Variants in PALM2AKAP2 observed in about 807,000 individuals in gnomAD.
The protein encoded by PALM2AKAP2 is PALM2 and AKAP2 fusion.
Under a neutral mutation model 71.5 loss-of-function variants are expected in PALM2AKAP2, and 37 were observed. That is an observed-to-expected ratio of 0.52 (90% CI 0.40 to 0.68). The LOEUF is 0.68. Among genes scored for constraint, PALM2AKAP2 ranks in the 30% least tolerant of loss-of-function variants. The pLI, the probability that PALM2AKAP2 is intolerant of heterozygous loss-of-function variation, is 0.00. For missense variants in PALM2AKAP2, 1,224 were observed against 1,191.8 expected (o/e 1.03, Z -0.40); for synonymous variants, 468 against 478.8 (o/e 0.98, Z 0.29).
intron 1 of PALM2AKAP2, among the ~76,000 whole-genome samples, chr9:109,836,606 A>T (rs1469770043): frequency 6.6e-6 from 1 of 152,228 alleles, no homozygotes. Context: ...GTTCAAACCC[A>T]TCGCAAAGAA....
chr9:109,874,444 A>G (rs1375016621), intron 2 of PALM2AKAP2, among the ~76,000 whole-genome samples: 1 of 152,220 alleles, frequency 6.6e-6, no homozygotes, highest in Admixed American at 6.5e-5. Flanking sequence ...TAAGTCAGTT[A>G]ATGTTAGCAC....
At chr9:110,074,035 G>A (rs1441854914) in intron 1 of PALM2AKAP2, among the ~76,000 whole-genome samples, 1 of 152,158 alleles carries the variant, frequency 6.6e-6, no homozygotes, top group East Asian at 1.9e-4. Context: ...TGGACAAATT[G>A]GCAGTGTGCA....
intron 1 of PALM2AKAP2, among the ~76,000 whole-genome samples, chr9:109,835,906 C>A (rs992324560): frequency 6.6e-6 from 1 of 152,180 alleles, no homozygotes; most frequent in Admixed American, 6.5e-5. Flanking sequence ...TGGAGCCCAC[C>A]GCAGCTCAAG....
intron 3 of PALM2AKAP2, among the ~76,000 whole-genome samples, chr9:110,160,396 A>T (rs1458155456): frequency 6.6e-6 from 1 of 152,232 alleles, no homozygotes; most frequent in African/African-American, 2.4e-5. Context: ...TGCAATTCAT[A>T]ATGGACTAGT....
intron 6 of PALM2AKAP2, among the ~76,000 whole-genome samples, chr9:110,007,374 C>T (rs905013917): frequency 6.6e-6 from 1 of 152,220 alleles, no homozygotes; most frequent in Admixed American, 6.5e-5. Flanking sequence ...ACTGTTCCCA[C>T]AGTTGGTCTC....
chr9:110,151,093 A>G (rs749280406), intron 2 of PALM2AKAP2, among the ~76,000 whole-genome samples: 1 of 152,278 alleles, frequency 6.6e-6, no homozygotes, highest in African/African-American at 2.4e-5. Flanking sequence ...AACTTGGGCC[A>G]GAAAAGTTCC....
At chr9:109,758,656 T>A (rs1042388606) in intron 1 of PALM2AKAP2, among the ~76,000 whole-genome samples, 8 of 151,806 alleles carry the variant, frequency 5.3e-5, no homozygotes, top group African/African-American at 1.7e-4. Flanking sequence ...TGCAAAGAAG[T>A]GGTAGTTTAT....
chr9:110,000,646 C>T (rs1051450690), intron 6 of PALM2AKAP2, among the ~76,000 whole-genome samples: 8 of 152,188 alleles, frequency 5.3e-5, no homozygotes, highest in African/African-American at 1.9e-4. Flanking sequence ...AAAAGTATTC[C>T]TATTTCTCTA....
At chr9:109,941,502 T>C (rs1453876089) in intron 6 of PALM2AKAP2, among the ~76,000 whole-genome samples, 1 of 152,204 alleles carries the variant, frequency 6.6e-6, no homozygotes, top group African/African-American at 2.4e-5. Context: ...CTTGAGAGAC[T>C]AGGTAGCAGT....
At chr9:110,048,985 G>A in intron 1 of PALM2AKAP2, 1 of 1,245,820 alleles carries the variant, frequency 8.0e-7, no homozygotes, top group Non-Finnish European at 1.1e-6. Flanking sequence ...GGCTTTTAAA[G>A]GGCTTTTTGT....
intron 1 of PALM2AKAP2, among the ~76,000 whole-genome samples, chr9:110,112,897 G>A (rs907693752): frequency 5.3e-5 from 8 of 152,188 alleles, no homozygotes; most frequent in Non-Finnish European, 1.2e-4. Context: ...CATAAAAATC[G>A]CATGGTCTAA....
chr9:109,833,647 G>A (rs1322787489), intron 1 of PALM2AKAP2, among the ~76,000 whole-genome samples: 2 of 152,148 alleles, frequency 1.3e-5, no homozygotes, highest in Non-Finnish European at 2.9e-5. Flanking sequence ...CAACATGGTG[G>A]GACAATTCTT....
intron 6 of PALM2AKAP2, among the ~76,000 whole-genome samples, chr9:109,981,355 T>C (rs1832266052): frequency 6.6e-6 from 1 of 152,208 alleles, no homozygotes; most frequent in African/African-American, 2.4e-5. Context: ...ATGGATGTTA[T>C]TAGCACACCT....
intron 1 of PALM2AKAP2, among the ~76,000 whole-genome samples, chr9:109,723,995 A>G (rs956081502): frequency 1.3e-5 from 2 of 152,242 alleles, no homozygotes; most frequent in East Asian, 1.9e-4. Flanking sequence ...TAGTCAGCTC[A>G]ATGGCTAGGT....
chr9:109,762,445 T>C (rs1338348136), intron 1 of PALM2AKAP2, among the ~76,000 whole-genome samples: 1 of 152,222 alleles, frequency 6.6e-6, no homozygotes, highest in Non-Finnish European at 1.5e-5. Context: ...AAGAAAAGTC[T>C]TTATTAATCT....
At chr9:109,867,162 C>CTGTGTGTGTGTG (rs747500773) in intron 1 of PALM2AKAP2, 2 of 381,444 alleles carry the variant, frequency 5.2e-6, no homozygotes, top group East Asian at 8.1e-5. Flanking sequence ...GAACATGGTT[C>CTGTGTGTGTGTG]TCTGTGTGTG....
intron 3 of PALM2AKAP2, among the ~76,000 whole-genome samples, chr9:109,912,035 G>C (rs1426423005): frequency 6.6e-6 from 1 of 152,152 alleles, no homozygotes; most frequent in African/African-American, 2.4e-5. Flanking sequence ...CTTTTATTAT[G>C]ATATCTGTTT....
intron 1 of PALM2AKAP2, among the ~76,000 whole-genome samples, chr9:109,812,690 A>G (rs956555986): frequency 6.6e-6 from 1 of 152,224 alleles, no homozygotes; most frequent in Non-Finnish European, 1.5e-5. Flanking sequence ...TGGAAACCAC[A>G]GGTCCTTCTC....
chr9:110,096,835 TG>T (rs998352674), intron 1 of PALM2AKAP2, among the ~76,000 whole-genome samples: 1 of 151,870 alleles, frequency 6.6e-6, no homozygotes, highest in Non-Finnish European at 1.5e-5. Context: ...TAAATGCAAA[TG>T]GGAAGGCTAT....
Sources: gnomAD v4.1 joint callset for allele counts (sites outside exome capture counted in the v4.1 genomes callset) on GRCh38, gnomAD v4.1.1 for gene constraint, MANE v1.5 for transcripts, NCBI Gene and HGNC (gene_info 2026-07-23, HGNC 2026-07-21) for gene names.